Variants in NRXN1 observed in about 807,000 individuals in gnomAD.
NRXN1 encodes neurexin 1.
Under a neutral mutation model 150.9 loss-of-function variants are expected in NRXN1, and 39 were observed. That is an observed-to-expected ratio of 0.26 (90% CI 0.20 to 0.34). NRXN1 has a LOEUF of 0.34. Among genes scored for constraint, NRXN1 ranks in the 10% least tolerant of loss-of-function variants. The pLI, the probability that NRXN1 is intolerant of heterozygous loss-of-function variation, is 1.00. For missense variants in NRXN1, 1,815 were observed against 1,949.9 expected (o/e 0.93, Z 1.30); for synonymous variants, 924 against 757.0 (o/e 1.22, Z -3.62).
At chr2:50,399,807 A>ATTCTCAG (rs1558664675) in intron 17 of NRXN1, among the ~76,000 whole-genome samples, 24 of 18,756 alleles carry the variant, frequency 1.3e-3, no homozygotes, top group Non-Finnish European at 1.9e-3. Flanking sequence ...AAAAAAAAAA[A>ATTCTCAG]AAAAAAAAAA....
intron 2 of NRXN1, among the ~76,000 whole-genome samples, chr2:51,023,483 C>T (rs994873569): frequency 6.6e-6 from 1 of 152,146 alleles, no homozygotes; most frequent in South Asian, 2.1e-4. Flanking sequence ...TACTTTTCCT[C>T]TGCCTTAATT....
At chr2:50,951,216 GGAGAT>G (rs905937157) in intron 2 of NRXN1, among the ~76,000 whole-genome samples, 1 of 152,170 alleles carries the variant, frequency 6.6e-6, no homozygotes, top group African/African-American at 2.4e-5. Context: ...TGAGATGAGA[GGAGAT>G]GAGATGAGAG....
At chr2:49,998,929 C>G (rs1446389474) in intron 21 of NRXN1, among the ~76,000 whole-genome samples, 1 of 152,110 alleles carries the variant, frequency 6.6e-6, no homozygotes, top group East Asian at 1.9e-4. Flanking sequence ...CCATCAACTC[C>G]TAGCCAAACA....
At chr2:50,947,365 T>C (rs184764025) in intron 2 of NRXN1, among the ~76,000 whole-genome samples, 1 of 152,106 alleles carries the variant, frequency 6.6e-6, no homozygotes, top group Admixed American at 6.6e-5. Context: ...CAAATACTAT[T>C]ATTTTAAAAT....
intron 18 of NRXN1, among the ~76,000 whole-genome samples, chr2:50,169,608 G>C (rs2059901644): frequency 6.6e-6 from 1 of 151,640 alleles, no homozygotes; most frequent in South Asian, 2.1e-4. Context: ...AGCTACTCGG[G>C]AGGCTGAGGA....
intron 18 of NRXN1, among the ~76,000 whole-genome samples, chr2:50,229,456 A>G (rs1330949134): frequency 6.6e-6 from 1 of 151,912 alleles, no homozygotes; most frequent in East Asian, 1.9e-4. Context: ...TCTTCCATCA[A>G]TCTATATTGT....
At chr2:50,206,811 A>C (rs2062615460) in intron 18 of NRXN1, among the ~76,000 whole-genome samples, 1 of 150,920 alleles carries the variant, frequency 6.6e-6, no homozygotes, top group South Asian at 2.1e-4. Context: ...TGCAAATGTA[A>C]TATATATTTT....
intron 17 of NRXN1, among the ~76,000 whole-genome samples, chr2:50,333,124 C>T (rs1009198296): frequency 2.0e-5 from 3 of 152,120 alleles, no homozygotes; most frequent in African/African-American, 7.2e-5. Flanking sequence ...AATCATTGAT[C>T]TCCTTGATCT....
chr2:50,733,724 C>A (rs1057418852), intron 5 of NRXN1, among the ~76,000 whole-genome samples: 10 of 152,018 alleles, frequency 6.6e-5, no homozygotes, highest in Non-Finnish European at 1.5e-4. Flanking sequence ...ATAATACAGT[C>A]TTAATAATGG....
intron 5 of NRXN1, among the ~76,000 whole-genome samples, chr2:50,656,082 T>C (rs1406198894): frequency 1.3e-5 from 2 of 151,974 alleles, no homozygotes; most frequent in Non-Finnish European, 2.9e-5. Flanking sequence ...CTTATCATTT[T>C]CATTGCTGCC....
At chr2:50,833,657 A>G (rs1449796076) in intron 5 of NRXN1, among the ~76,000 whole-genome samples, 2 of 152,232 alleles carry the variant, frequency 1.3e-5, no homozygotes, top group East Asian at 3.8e-4. Flanking sequence ...AGAAGAGTAT[A>G]TCTACAAAAG....
Position 50,316,454 on chromosome 2 carries a change from C to T in NRXN1, c.3365-79484G>A, listed in dbSNP as rs7577502. On this transcript the variant is annotated intron_variant, in intron 17 of 22. Coordinates refer to ENST00000401669, the MANE Select transcript of NRXN1 (RefSeq NM_001330078.2). ...AAATAGGAATGTGGAAGTCAAGCAA[C>T]GGAAGATCTTGCCACATGCAACCAG... Among the ~76,000 whole-genome samples, 133 of 151,892 alleles carry T rather than the reference C, an allele frequency of 8.8e-4. 3 individuals carry two copies. The East Asian group carries it at 0.024, about 28-fold the overall frequency.
chr2:50,361,782 CAG>C (rs2079222949), intron 17 of NRXN1, among the ~76,000 whole-genome samples: 1 of 152,110 alleles, frequency 6.6e-6, no homozygotes, highest in South Asian at 2.1e-4. Flanking sequence ...CAAAACCTGG[CAG>C]AGACACAACA....
intron 18 of NRXN1, among the ~76,000 whole-genome samples, chr2:50,174,083 G>A (rs1461725027): frequency 2.6e-5 from 4 of 152,022 alleles, no homozygotes; most frequent in Non-Finnish European, 5.9e-5. Context: ...ATAAAATAGA[G>A]CTTCTCTCTA....
chr2:50,517,732 A>C (rs928390578), intron 12 of NRXN1, among the ~76,000 whole-genome samples: 1 of 152,146 alleles, frequency 6.6e-6, no homozygotes, highest in Non-Finnish European at 1.5e-5. Context: ...GTCCAAAGGA[A>C]ATAGTTGGCT....
intron 21 of NRXN1, among the ~76,000 whole-genome samples, chr2:49,999,471 AT>A (rs1288474257): frequency 6.6e-6 from 1 of 152,134 alleles, no homozygotes; most frequent in Non-Finnish European, 1.5e-5. Flanking sequence ...ACATATCTGT[AT>A]TTTTTGAAAC....
intron 18 of NRXN1, among the ~76,000 whole-genome samples, chr2:50,144,394 A>C (rs776761349): frequency 6.6e-6 from 1 of 151,724 alleles, no homozygotes; most frequent in Non-Finnish European, 1.5e-5. Context: ...AGTTTTCCTG[A>C]CTGTCTAAGA....
chr2:50,635,429 T>A (rs1683095483), intron 5 of NRXN1, among the ~76,000 whole-genome samples: 1 of 151,484 alleles, frequency 6.6e-6, no homozygotes, highest in Non-Finnish European at 1.5e-5. Flanking sequence ...CGCCTCGGCC[T>A]CCCAATGTGC....
intron 5 of NRXN1, among the ~76,000 whole-genome samples, chr2:50,882,161 T>C (rs1679541333): frequency 1.3e-5 from 2 of 151,914 alleles, no homozygotes; most frequent in African/African-American, 4.8e-5. Context: ...TTAGGTTACA[T>C]TGCCTAACAT....
Sources: gnomAD v4.1 joint callset for allele counts (sites outside exome capture counted in the v4.1 genomes callset) on GRCh38, gnomAD v4.1.1 for gene constraint, MANE v1.5 for transcripts, NCBI Gene and HGNC (gene_info 2026-07-23, HGNC 2026-07-21) for gene names.